Variants in ITK observed in about 807,000 individuals in gnomAD.
The protein encoded by ITK is tyrosine-protein kinase ITK/TSK.
In ITK, 45 loss-of-function variants were observed where a neutral mutation model predicts 87.6. The observed-to-expected ratio is 0.51, with a 90% CI of 0.40 to 0.66. The LOEUF is 0.66. ITK is among the 30% of genes least tolerant of loss of function. The pLI, the probability that ITK is intolerant of heterozygous loss-of-function variation, is 0.00. For missense variants in ITK, 605 were observed against 766.3 expected, an observed-to-expected ratio of 0.79 and a Z score of 2.48; for synonymous variants, 303 against 273.6, an observed-to-expected ratio of 1.11 and a Z score of -1.06.
intron 1 of ITK, among the ~76,000 whole-genome samples, chr5:157,205,258 A>G (rs1182518985): frequency 1.3e-5 from 2 of 152,178 alleles, no homozygotes; most frequent in Non-Finnish European, 2.9e-5. Flanking sequence ...TGAATTGCCC[A>G]AAGTCACAGA....
In ITK at chr5:157,253,775, G is replaced by C. The variant is rs947662987; in HGVS notation, c.*1097G>C. The C allele has an allele frequency of 4.6e-6, 1 of 216,984 alleles. No individual in the cohort carries two copies. The highest frequency in any genetic ancestry group is 2.3e-5 in the African/African-American group (1 of 44,378). The allele number at this position is 216,984 out of a possible 1,614,324, so 13.4% of individuals were successfully genotyped here. ...CCTAAAATTCTAGGAGAGAAATAAA[G>C]AGTCTGTTTTTGCTCAAACCATCAG... is the stretch of plus-strand genomic sequence containing the variant. On this transcript the variant is annotated 3_prime_UTR_variant, in exon 17 of 17. Coordinates refer to ENST00000422843, the MANE Select transcript of ITK (RefSeq NM_005546.4).
At position 157,228,225 on chromosome 5, in the gene ITK, T is replaced by A. The variant is rs114964128; in HGVS notation, c.648-71T>A. 1,925 of 925,714 alleles carry A rather than the reference T, an allele frequency of 2.1e-3. 31 individuals are homozygous for A. In the African/African-American group the frequency reaches 0.028, roughly 14 times the overall value. The allele number at this position is 925,714 out of a possible 1,614,324, so 57.3% of individuals were successfully genotyped here. A position where few individuals can be genotyped will look rare whatever the true frequency, so the allele number is the denominator to read the frequency against. On this transcript the variant is annotated intron_variant, in intron 6 of 16. Coordinates refer to ENST00000422843, the MANE Select transcript of ITK (RefSeq NM_005546.4). ...TCCCCAATCTTTAAATGACTTTTAA[T>A]GGATTAAACCTATAAAATGATATAA...
At chr5:157,216,453 T>C (rs1191599806) in intron 4 of ITK, among the ~76,000 whole-genome samples, 4 of 152,204 alleles carry the variant, frequency 2.6e-5, no homozygotes. Context: ...GGTAATTGTG[T>C]CTACTTGTCT....
intron 10 of ITK, 156 bp from the exon 11 acceptor site, chr5:157,241,490 G>A: frequency 1.5e-6 from 1 of 675,788 alleles, no homozygotes; most frequent in Non-Finnish European, 2.7e-6. Context: ...TTTTCAAGGA[G>A]GATATGATAT....
chr5:157,212,812 G>C (rs1754216713), intron 3 of ITK, among the ~76,000 whole-genome samples: 1 of 151,706 alleles, frequency 6.6e-6, no homozygotes, highest in Non-Finnish European at 1.5e-5. Flanking sequence ...AGTGAGCCGA[G>C]CCTGGGTCAC....
At chr5:157,233,900 T>C (rs745330181) in intron 8 of ITK, among the ~76,000 whole-genome samples, 4 of 134,008 alleles carry the variant, frequency 3.0e-5, no homozygotes, top group Non-Finnish European at 6.3e-5. Flanking sequence ...TTTTGCTTGC[T>C]CTGGCAGTTG....
At chr5:157,232,595 A>AAGGG (rs35417315) in intron 8 of ITK, among the ~76,000 whole-genome samples, 15 of 144,896 alleles carry the variant, frequency 1.0e-4, no homozygotes, top group East Asian at 2.3e-4. Context: ...GAAAGAGAGG[A>AAGGG]AGGGAGGGAG....
intron 16 of ITK, among the ~76,000 whole-genome samples, chr5:157,249,938 T>A (rs540162152): frequency 5.9e-5 from 9 of 152,352 alleles, no homozygotes; most frequent in East Asian, 1.9e-4. Flanking sequence ...TTGATTTTTT[T>A]AAATTAATAG....
intron 5 of ITK, among the ~76,000 whole-genome samples, chr5:157,218,765 C>T (rs914645423): frequency 2.6e-5 from 4 of 152,140 alleles, no homozygotes; most frequent in South Asian, 2.1e-4. Flanking sequence ...AGGTTTCTGG[C>T]GTGGTGGTCT....
At chr5:157,215,956 G>T (rs1336813358) in intron 4 of ITK, among the ~76,000 whole-genome samples, 1 of 152,186 alleles carries the variant, frequency 6.6e-6, no homozygotes, top group African/African-American at 2.4e-5. Context: ...TCACCAGAAT[G>T]CCAGTGGGGG....
intron 6 of ITK, among the ~76,000 whole-genome samples, chr5:157,227,029 A>G (rs1376606724): frequency 2.6e-5 from 4 of 152,140 alleles, no homozygotes; most frequent in Admixed American, 2.0e-4. Flanking sequence ...CATGTTGCCC[A>G]GGTTTGTCTC....
intron 1 of ITK, among the ~76,000 whole-genome samples, chr5:157,189,286 G>T (rs1420861753): frequency 2.0e-5 from 3 of 152,114 alleles, no homozygotes; most frequent in Non-Finnish European, 4.4e-5. Flanking sequence ...TTCAGGGACT[G>T]GTACACCCAT....
intron 1 of ITK, among the ~76,000 whole-genome samples, chr5:157,191,143 T>A (rs902673209): frequency 1.8e-4 from 27 of 152,180 alleles, no homozygotes; most frequent in Admixed American, 1.6e-3. Context: ...TTATTTATTT[T>A]ATTTTTTTAT....
chr5:157,215,437 A>G (rs896456661), intron 4 of ITK, among the ~76,000 whole-genome samples: 1 of 152,142 alleles, frequency 6.6e-6, no homozygotes, highest in Admixed American at 6.5e-5. Context: ...TGGGGAAAAA[A>G]GCTCTTAGAC....
chr5:157,249,002 A>G lies in ITK; in HGVS notation c.1786A>G (p.Lys596Glu). Reference sequence around the variant, plus strand: ...CTACCAGATTATGAATCACTGCTGGAAAGAGGTCAGTGGAGGAAGTGCTTC... The same window carrying G: ...CTACCAGATTATGAATCACTGCTGGGAAGAGGTCAGTGGAGGAAGTGCTTC... ...HVYQIMNHCW[K>E]ERPEDRPAFS... The change falls in exon 16 of 17, where the codon AAA becomes GAA. Residue 596 changes from lysine (K) to glutamate (E), a missense_variant. Coordinates refer to ENST00000422843, the MANE Select transcript of ITK (RefSeq NM_005546.4). 6.2e-7 allele frequency: 1 copy of G among 1,613,834 alleles called. No homozygotes were observed. The highest frequency in any genetic ancestry group is 8.5e-7 in the Non-Finnish European group (1 of 1,179,764).
chr5:157,191,809 G>A (rs967718811), intron 1 of ITK, among the ~76,000 whole-genome samples: 2 of 152,042 alleles, frequency 1.3e-5, no homozygotes, highest in African/African-American at 2.4e-5. Context: ...TTGTTTCCAG[G>A]TATAATGAAA....
chr5:157,248,337 T>C (rs1755062455), intron 15 of ITK, among the ~76,000 whole-genome samples: 1 of 152,138 alleles, frequency 6.6e-6, no homozygotes, highest in African/African-American at 2.4e-5. Context: ...AAAAGATGTG[T>C]TTTGCTTGGT....
intron 4 of ITK, among the ~76,000 whole-genome samples, chr5:157,216,870 G>A (rs1039511749): frequency 1.3e-5 from 2 of 151,998 alleles, no homozygotes; most frequent in African/African-American, 4.8e-5. Flanking sequence ...CTCTTTCTTG[G>A]CAAGTCTGCA....
intron 4 of ITK, among the ~76,000 whole-genome samples, chr5:157,215,215 C>T (rs1754275347): frequency 6.6e-6 from 1 of 152,142 alleles, no homozygotes; most frequent in Non-Finnish European, 1.5e-5. Flanking sequence ...GGAATAATGG[C>T]CCATGTGGAT....
Sources: allele counts gnomAD v4.1 joint callset (sites outside exome capture counted in the v4.1 genomes callset), GRCh38; gene constraint gnomAD v4.1.1; transcripts MANE v1.5; gene names NCBI Gene and HGNC (gene_info 2026-07-23, HGNC 2026-07-21).